NBEA: variants seen among roughly 807,000 people sequenced by gnomAD.
The protein encoded by NBEA is neurobeachin.
In NBEA, 44 loss-of-function variants were observed where a neutral mutation model predicts 343.4. That is an observed-to-expected ratio of 0.13 (90% CI 0.10 to 0.16). NBEA has a LOEUF of 0.16. Among genes scored for constraint, NBEA ranks in the 10% least tolerant of loss-of-function variants. The pLI, the probability that NBEA is intolerant of heterozygous loss-of-function variation, is 1.00. For synonymous variants in NBEA, 1,175 were observed against 1,238.7 expected (o/e 0.95, Z 1.08); for missense variants, 2,555 against 3,631.3 (o/e 0.70, Z 7.62).
chr13:35,215,480 A>AT (rs983344039), intron 33 of NBEA, among the ~76,000 whole-genome samples: 2 of 151,746 alleles, frequency 1.3e-5, no homozygotes, highest in Non-Finnish European at 3.0e-5. Flanking sequence ...GTATGATTCC[A>AT]TTTTTATGAA....
intron 41 of NBEA, among the ~76,000 whole-genome samples, chr13:35,526,949 C>A (rs1274669376): frequency 6.6e-6 from 1 of 152,034 alleles, no homozygotes; most frequent in Non-Finnish European, 1.5e-5. Context: ...ACCACAGAGC[C>A]CCAAAGAGAG....
At chr13:35,070,180 G>T in intron 9 of NBEA, 75 bp downstream of exon 9, 2 of 1,286,448 alleles carry the variant, frequency 1.6e-6, no homozygotes, top group Non-Finnish European at 1.0e-6. Flanking sequence ...ATCAAACATT[G>T]CTCATCTATA....
intron 1 of NBEA, among the ~76,000 whole-genome samples, chr13:34,947,526 A>T (rs887601351): frequency 6.6e-6 from 1 of 151,996 alleles, no homozygotes; most frequent in South Asian, 2.1e-4. Flanking sequence ...ACATATTGTT[A>T]TGCATTAGTT....
At chr13:35,242,375 C>A (rs1566507487) in intron 34 of NBEA, among the ~76,000 whole-genome samples, 1 of 151,664 alleles carries the variant, frequency 6.6e-6, no homozygotes, top group Non-Finnish European at 1.5e-5. Context: ...AGGACCAAGA[C>A]AAACAGAATG....
intron 1 of NBEA, among the ~76,000 whole-genome samples, chr13:34,963,546 G>A (rs1028123689): frequency 2.6e-5 from 4 of 151,980 alleles, no homozygotes; most frequent in African/African-American, 7.2e-5. Flanking sequence ...TTAACTAAGC[G>A]AAAATAAGGG....
At chr13:35,628,347 ACTT>A (rs2083313616) in intron 49 of NBEA, 99 bp downstream of exon 49, 1 of 925,950 alleles carries the variant, frequency 1.1e-6, no homozygotes, top group Admixed American at 3.6e-5. Context: ...TTTCAACATA[ACTT>A]CTTACAAAAC....
chr13:35,204,300 C>T (rs183839687), intron 31 of NBEA, among the ~76,000 whole-genome samples: 27 of 152,158 alleles, frequency 1.8e-4, no homozygotes, highest in Admixed American at 3.3e-4. Flanking sequence ...AAAGACATAC[C>T]GAAGCCTGGG....
At chr13:35,065,964 A>T (rs552452767) in intron 8 of NBEA, among the ~76,000 whole-genome samples, 83 of 152,070 alleles carry the variant, frequency 5.5e-4, no homozygotes, top group African/African-American at 1.9e-3. Flanking sequence ...TTTCGTGTGT[A>T]CATTTTTTTT....
At chr13:35,215,328 G>A (rs906368516) in intron 33 of NBEA, among the ~76,000 whole-genome samples, 1 of 151,356 alleles carries the variant, frequency 6.6e-6, no homozygotes, top group African/African-American at 2.4e-5. Context: ...AGTTTTCATT[G>A]TAAAACTCTT....
At chr13:35,240,516 C>T (rs913374492) in intron 34 of NBEA, among the ~76,000 whole-genome samples, 4 of 151,768 alleles carry the variant, frequency 2.6e-5, no homozygotes, top group South Asian at 4.1e-4. Context: ...GTATATTCAA[C>T]GTGTTGAATT....
intron 39 of NBEA, among the ~76,000 whole-genome samples, chr13:35,450,888 T>C (rs2046276676): frequency 6.6e-6 from 1 of 152,128 alleles, no homozygotes; most frequent in Admixed American, 6.5e-5. Context: ...GTGTAGGTGG[T>C]GTATGCATGT....
chr13:35,241,960 G>A (rs1326302332), intron 34 of NBEA, among the ~76,000 whole-genome samples: 1 of 151,880 alleles, frequency 6.6e-6, no homozygotes, highest in African/African-American at 2.4e-5. Context: ...AGACTGAGAA[G>A]TGACTATATT....
At chr13:35,283,301 A>G (rs2035180286) in intron 34 of NBEA, among the ~76,000 whole-genome samples, 1 of 152,160 alleles carries the variant, frequency 6.6e-6, no homozygotes. Context: ...TCAATAAATC[A>G]ATCAAAATTA....
chr13:35,587,481 G>A (rs578054642), intron 46 of NBEA, among the ~76,000 whole-genome samples: 1 of 152,298 alleles, frequency 6.6e-6, no homozygotes, highest in South Asian at 2.1e-4. Context: ...CATGGAGGGA[G>A]CAGGACACCT....
intron 41 of NBEA, among the ~76,000 whole-genome samples, chr13:35,473,252 C>T (rs925182653): frequency 1.3e-5 from 2 of 152,098 alleles, no homozygotes; most frequent in Non-Finnish European, 2.9e-5. Flanking sequence ...AATGTTTTAA[C>T]TTTCATGTTA....
chr13:34,981,753 G>A (rs1283801242), intron 1 of NBEA, among the ~76,000 whole-genome samples: 1 of 150,846 alleles, frequency 6.6e-6, no homozygotes, highest in East Asian at 1.9e-4. Flanking sequence ...TTTATAATGG[G>A]GTTTTCTTTT....
chr13:35,006,309 A>C (rs576089939), intron 1 of NBEA, among the ~76,000 whole-genome samples: 87 of 152,092 alleles, frequency 5.7e-4, no homozygotes, highest in African/African-American at 2.0e-3. Context: ...GTAACCCTAG[A>C]TATTATAACA....
At chr13:35,066,007 G>T (rs2063639387) in intron 8 of NBEA, among the ~76,000 whole-genome samples, 2 of 152,024 alleles carry the variant, frequency 1.3e-5, no homozygotes, top group Non-Finnish European at 2.9e-5. Context: ...TGTCACCTAA[G>T]CTGGAGTGCA....
chr13:35,050,616 T>C (rs1263553262), intron 6 of NBEA, among the ~76,000 whole-genome samples: 1 of 152,038 alleles, frequency 6.6e-6, no homozygotes, highest in East Asian at 1.9e-4. Flanking sequence ...CACTCTCTCA[T>C]TATCTCAGTC....
Sources: gnomAD v4.1 joint callset for allele counts (sites outside exome capture counted in the v4.1 genomes callset) on GRCh38, gnomAD v4.1.1 for gene constraint, MANE v1.5 for transcripts, NCBI Gene and HGNC (gene_info 2026-07-23, HGNC 2026-07-21) for gene names.